CLYBL: variants seen among roughly 807,000 people sequenced by gnomAD.
CLYBL encodes the protein citramalyl-CoA lyase, also known as citramalyl-CoA lyase, mitochondrial.
Under a neutral mutation model 38.9 loss-of-function variants are expected in CLYBL, and 31 were observed. The ratio of observed to expected loss-of-function variants is 0.80; its 90% CI spans 0.60 to 1.08. CLYBL has a LOEUF of 1.08. Among genes scored for constraint, CLYBL ranks in the 50% least tolerant of loss-of-function variants. The probability of loss-of-function intolerance (pLI) is 0.00; values close to 1 mark genes in which losing one functional copy is unlikely to be tolerated. For synonymous variants in CLYBL, 171 were observed against 158.6 expected (o/e 1.08, Z -0.59); for missense variants, 434 against 411.6 (o/e 1.05, Z -0.47).
intron 1 of CLYBL, among the ~76,000 whole-genome samples, chr13:99,658,439 A>G (rs2047360947): frequency 6.6e-6 from 1 of 152,234 alleles, no homozygotes; most frequent in Non-Finnish European, 1.5e-5. Flanking sequence ...AGGAGGGACC[A>G]GGAGGGAACC....
At chr13:99,818,787 G>A (rs1594202100) in intron 2 of CLYBL, among the ~76,000 whole-genome samples, 1 of 152,268 alleles carries the variant, frequency 6.6e-6, no homozygotes, top group East Asian at 1.9e-4. Flanking sequence ...TGCAGTAACA[G>A]TTTAAATATA....
At chr13:99,761,815 A>G (rs1295461503) in intron 1 of CLYBL, among the ~76,000 whole-genome samples, 1 of 152,186 alleles carries the variant, frequency 6.6e-6, no homozygotes, top group East Asian at 1.9e-4. Context: ...TTTTCTCCAC[A>G]TCCTCACCAG....
intron 1 of CLYBL, among the ~76,000 whole-genome samples, chr13:99,750,372 G>A (rs2048932358): frequency 6.6e-6 from 1 of 152,158 alleles, no homozygotes; most frequent in Non-Finnish European, 1.5e-5. Context: ...CAGCATTTTT[G>A]TGTGGTATTC....
At chr13:99,790,889 G>C (rs767958401) in intron 2 of CLYBL, among the ~76,000 whole-genome samples, 10 of 152,152 alleles carry the variant, frequency 6.6e-5, no homozygotes, top group Non-Finnish European at 1.3e-4. Context: ...GTATGTTTCT[G>C]TGTTGGGGTG....
intron 1 of CLYBL, among the ~76,000 whole-genome samples, chr13:99,728,999 A>G (rs1404296698): frequency 3.3e-5 from 5 of 152,184 alleles, no homozygotes; most frequent in Admixed American, 2.0e-4. Flanking sequence ...TTTCCTCATA[A>G]TTGTGTTCTA....
intron 1 of CLYBL, among the ~76,000 whole-genome samples, chr13:99,729,560 G>A (rs991177913): frequency 6.6e-6 from 1 of 152,188 alleles, no homozygotes; most frequent in African/African-American, 2.4e-5. Context: ...AGGCGGGAAA[G>A]TGAGGCCGGA....
chr13:99,646,312 T>C (rs1435927515), intron 1 of CLYBL, among the ~76,000 whole-genome samples: 1 of 152,030 alleles, frequency 6.6e-6, no homozygotes, highest in Non-Finnish European at 1.5e-5. Context: ...TGGTGTGTTA[T>C]AGGAGTTTGG....
intron 1 of CLYBL, among the ~76,000 whole-genome samples, chr13:99,768,529 A>C (rs9554635): frequency 7.4e-4 from 4 of 5,372 alleles, no homozygotes; most frequent in Non-Finnish European, 1.6e-3. Context: ...TTTTTTTTTT[A>C]AAGACAGAAT....
intron 2 of CLYBL, among the ~76,000 whole-genome samples, chr13:99,778,943 C>A (rs2049580456): frequency 6.6e-6 from 1 of 152,044 alleles, no homozygotes. Context: ...AAATACTAAT[C>A]AATACTTAAA....
intron 1 of CLYBL, among the ~76,000 whole-genome samples, chr13:99,666,389 G>T (rs1171611113): frequency 6.6e-6 from 1 of 152,162 alleles, no homozygotes; most frequent in African/African-American, 2.4e-5. Flanking sequence ...CGGTGGGTGT[G>T]CCCCAGGAGC....
At chr13:99,784,174 T>C (rs1442555083) in intron 2 of CLYBL, among the ~76,000 whole-genome samples, 5 of 152,186 alleles carry the variant, frequency 3.3e-5, no homozygotes, top group Admixed American at 6.5e-5. Flanking sequence ...CCCATATTCA[T>C]TGGAATTAAT....
chr13:99,830,075 C>T (rs534094170), intron 2 of CLYBL, among the ~76,000 whole-genome samples: 1 of 152,106 alleles, frequency 6.6e-6, no homozygotes, highest in African/African-American at 2.4e-5. Context: ...GGCTCTCCCC[C>T]CGGCATCAGA....
chr13:99,752,275 C>T (rs1354935316), intron 1 of CLYBL, among the ~76,000 whole-genome samples: 1 of 152,168 alleles, frequency 6.6e-6, no homozygotes, highest in Non-Finnish European at 1.5e-5. Context: ...TCTCCTTGAA[C>T]ATTCCCTAGC....
At chr13:99,805,124 A>G (rs888351732) in intron 2 of CLYBL, among the ~76,000 whole-genome samples, 4 of 152,170 alleles carry the variant, frequency 2.6e-5, no homozygotes, top group African/African-American at 9.6e-5. Flanking sequence ...ATAGTATTCC[A>G]TGGCATGTAT....
Position 99,866,402 on chromosome 13 carries a change from T to C in CLYBL, c.797T>C (p.Phe266Ser). The change falls in exon 6 of 9, where the codon TTC (phenylalanine) becomes TCC (serine). Residue 266 changes from phenylalanine to serine, a missense_variant. By Grantham distance (155) the Phe-to-Ser change is radical. Coordinates refer to ENST00000339105, the MANE Select transcript of CLYBL (RefSeq NM_206808.5). ...RQSREGAAMG[F>S]TGKQVIHPNQ... Reference sequence around the variant, plus strand: ...TCACGAGAAGGAGCCGCCATGGGCTTCACTGGTATGATTCCTGTCTTAGAA... The same window carrying C: ...TCACGAGAAGGAGCCGCCATGGGCTCCACTGGTATGATTCCTGTCTTAGAA... The C allele has an allele frequency of 6.2e-7, 1 of 1,610,302 alleles. No individual in the cohort carries two copies. The highest frequency in any genetic ancestry group is 8.5e-7 in the Non-Finnish European group (1 of 1,179,226).
rs200343406 is a variant in CLYBL at position 99,845,639 on chromosome 13, T to TA, written c.250-13221dup. Among the ~76,000 whole-genome samples the TA allele has an allele frequency of 7.2e-3, 1,097 of 152,228 alleles. 15 individuals are homozygous for TA. The highest frequency in any genetic ancestry group is 0.063 in the South Asian group (303 of 4,826). ...TCGGAAGCTCCCAGTGTTTGTGAGC[T>TA]AGGTGACATGACGCAGGCTCTGCCA... On this transcript the variant is annotated intron_variant, in intron 2 of 8. Coordinates refer to ENST00000339105, the MANE Select transcript of CLYBL (RefSeq NM_206808.5).
intron 1 of CLYBL, among the ~76,000 whole-genome samples, chr13:99,680,280 T>C (rs1039920047): frequency 2.0e-5 from 3 of 152,210 alleles, no homozygotes; most frequent in Non-Finnish European, 4.4e-5. Context: ...CCTGCAAGTC[T>C]TCGATGATGC....
intron 1 of CLYBL, among the ~76,000 whole-genome samples, chr13:99,741,838 T>C (rs550166058): frequency 2.6e-5 from 4 of 152,012 alleles, no homozygotes; most frequent in Non-Finnish European, 4.4e-5. Flanking sequence ...GTAGGCAGAG[T>C]TTTACAATGA....
chr13:99,778,911 A>G, intron 2 of CLYBL, among the ~76,000 whole-genome samples: 1 of 152,060 alleles, frequency 6.6e-6, no homozygotes. Context: ...TTTACTATTT[A>G]AGTATTTAAG....
Sources: allele counts gnomAD v4.1 joint callset (sites outside exome capture counted in the v4.1 genomes callset), GRCh38; gene constraint gnomAD v4.1.1; transcripts MANE v1.5; gene names NCBI Gene and HGNC (gene_info 2026-07-23, HGNC 2026-07-21).